The following SLC5A1 variants were observed in gnomAD, a reference collection of about 807,000 sequenced individuals.
The protein encoded by SLC5A1 is solute carrier family 5 member 1.
Under a neutral mutation model 73.5 loss-of-function variants are expected in SLC5A1, and 42 were observed. The ratio of observed to expected loss-of-function variants is 0.57; its 90% CI spans 0.45 to 0.74. The LOEUF (loss-of-function observed/expected upper bound fraction) is 0.74, where lower values mean the gene tolerates loss of function less well. Among genes scored for constraint, SLC5A1 ranks in the 30% least tolerant of loss-of-function variants. The pLI is 0.00. For missense variants in SLC5A1, 634 were observed against 855.4 expected (o/e 0.74, Z 3.23); for synonymous variants, 300 against 317.4 (o/e 0.95, Z 0.58).
intron 1 of SLC5A1, 98 bp from the exon 2 acceptor site, chr22:32,049,845 T>TG: frequency 1.1e-6 from 1 of 908,230 alleles, no homozygotes; most frequent in Non-Finnish European, 1.9e-6. Flanking sequence ...GAAAGTGGAG[T>TG]GGGTAGAAGA....
intron 5 of SLC5A1, among the ~76,000 whole-genome samples, chr22:32,070,621 A>G (rs2093981490): frequency 6.6e-6 from 1 of 152,120 alleles, no homozygotes; most frequent in South Asian, 2.1e-4. Context: ...GGCATGAGCC[A>G]CTGCACCCGG....
At chr22:32,045,878 T>G (rs1451230366) in intron 1 of SLC5A1, among the ~76,000 whole-genome samples, 1 of 152,206 alleles carries the variant, frequency 6.6e-6, no homozygotes, top group Admixed American at 6.5e-5. Context: ...GGGCCAAATC[T>G]GTCTCACAGC....
At chr22:32,104,921 C>G (rs200725596) in intron 14 of SLC5A1, 30 bp downstream of exon 14, 5 of 1,475,494 alleles carry the variant, frequency 3.4e-6, no homozygotes, top group Non-Finnish European at 3.8e-6. Flanking sequence ...AGATCCTAAA[C>G]CATAAAAGTT....
intron 5 of SLC5A1, among the ~76,000 whole-genome samples, chr22:32,073,271 G>T (rs993908781): frequency 2.0e-5 from 3 of 152,148 alleles, no homozygotes; most frequent in African/African-American, 7.2e-5. Flanking sequence ...TGGATATCCA[G>T]TTCTCCCAGT....
At chr22:32,064,896 C>T (rs1290063192) in intron 2 of SLC5A1, among the ~76,000 whole-genome samples, 2 of 152,166 alleles carry the variant, frequency 1.3e-5, no homozygotes, top group Non-Finnish European at 2.9e-5. Flanking sequence ...TAGGTCCTGT[C>T]CCTCTCCTGC....
At chr22:32,100,057 A>G (rs918893770) in intron 12 of SLC5A1, among the ~76,000 whole-genome samples, 3 of 152,192 alleles carry the variant, frequency 2.0e-5, no homozygotes, top group Non-Finnish European at 2.9e-5. Flanking sequence ...TTGGAGAGGG[A>G]AGACATGGCA....
chr22:32,067,190 C>T, intron 3 of SLC5A1, 151 bp downstream of exon 3: 1 of 648,214 alleles, frequency 1.5e-6, no homozygotes, highest in Non-Finnish European at 2.8e-6. Flanking sequence ...CTTCAGGAGC[C>T]TCAGGGCCCT....
intron 5 of SLC5A1, among the ~76,000 whole-genome samples, chr22:32,073,467 A>G (rs564946887): frequency 1.3e-5 from 2 of 151,936 alleles, no homozygotes; most frequent in Admixed American, 1.3e-4. Flanking sequence ...TCTGCCCTCG[A>G]CCCATGCCTT....
chr22:32,105,226 A>G (rs2094043484), intron 14 of SLC5A1, among the ~76,000 whole-genome samples: 1 of 152,092 alleles, frequency 6.6e-6, no homozygotes, highest in Non-Finnish European at 1.5e-5. Context: ...ATCATGGAGA[A>G]TGGGGTGTCC....
chr22:32,101,410 A>C (rs1313010542), intron 12 of SLC5A1, among the ~76,000 whole-genome samples: 1 of 152,214 alleles, frequency 6.6e-6, no homozygotes, highest in African/African-American at 2.4e-5. Context: ...TCTAATATGC[A>C]GACCCAAAAT....
At chr22:32,104,743 G>A (rs1603145247) in intron 13 of SLC5A1, 43 bp from the exon 14 acceptor site, 1 of 1,512,440 alleles carries the variant, frequency 6.6e-7, no homozygotes. Context: ...GTCCCAAGAT[G>A]CTATTTGGAT....
In SLC5A1 at chr22:32,084,581, C is replaced by T; in HGVS notation, c.807C>T (p.Pro269=). The T allele has an allele frequency of 6.2e-7, 1 of 1,614,252 alleles. No homozygotes were observed. Among genetic ancestry groups the T allele is most frequent in the Non-Finnish European group, 8.5e-7 (1 of 1,180,040 alleles). The change falls in exon 8 of 15, where the codon CCC becomes CCT. Residue 269 remains proline, a synonymous_variant. Coordinates refer to ENST00000266088, the MANE Select transcript of SLC5A1 (RefSeq NM_000343.4). ...ACTCCTTCCACATCTTCCGAGATCC[C>T]CTCACGGGAGACCTCCCATGGCCTG... ...RADSFHIFRD[P]LTGDLPWPGF...
chr22:32,056,241 G>A lies in SLC5A1; in HGVS notation c.207+6227G>A, dbSNP rs555058493. Among the ~76,000 whole-genome samples the A allele has an allele frequency of 3.0e-3, 462 of 152,116 alleles. 2 individuals are homozygous for A. Among genetic ancestry groups the A allele is most frequent in the Non-Finnish European group, 4.5e-3 (304 of 68,012 alleles). ...TCGCTATGTTGCGCAGCCTGGTCTC[G>A]AACTCCCGAGCTCAAGCAGTCTTCC... is the stretch of plus-strand genomic sequence containing the variant. On this transcript the variant is annotated intron_variant, in intron 2 of 14. Coordinates refer to ENST00000266088, the MANE Select transcript of SLC5A1 (RefSeq NM_000343.4).
intron 2 of SLC5A1, among the ~76,000 whole-genome samples, chr22:32,061,151 C>T (rs1416743903): frequency 2.0e-5 from 3 of 152,094 alleles, no homozygotes; most frequent in African/African-American, 4.8e-5. Flanking sequence ...CGGCTGGCTG[C>T]GGTGGCTCAT....
chr22:32,102,296 A>AT (rs530224185), intron 13 of SLC5A1, 59 bp downstream of exon 13: 1,208 of 1,331,354 alleles, frequency 9.1e-4, no homozygotes, highest in Non-Finnish European at 1.2e-3. Flanking sequence ...ATGTTCTTTA[A>AT]TTTTTTTTAA....
chr22:32,053,856 A>T (rs969035069), intron 2 of SLC5A1, among the ~76,000 whole-genome samples: 4 of 152,310 alleles, frequency 2.6e-5, no homozygotes, highest in African/African-American at 9.6e-5. Flanking sequence ...TGTCCAAGGG[A>T]TGCCTATCAT....
chr22:32,093,180 G>A (rs1329401752), intron 11 of SLC5A1, among the ~76,000 whole-genome samples: 1 of 152,116 alleles, frequency 6.6e-6, no homozygotes, highest in Non-Finnish European at 1.5e-5. Context: ...TTTTATATCA[G>A]TACCATGCTG....
chr22:32,073,256 G>A (rs556800271), intron 5 of SLC5A1, among the ~76,000 whole-genome samples: 155 of 151,976 alleles, frequency 1.0e-3, no homozygotes, highest in African/African-American at 3.4e-3. Flanking sequence ...TCATTCTTTC[G>A]CATGTGGATA....
rs551152918 is a variant in SLC5A1, at chr22:32,093,298, G to T, written c.1280+1536G>T. On this transcript the variant is annotated intron_variant, in intron 11 of 14. Coordinates refer to ENST00000266088, the MANE Select transcript of SLC5A1 (RefSeq NM_000343.4). ...TTTGGCTATGTGGGCTCTTTTTTTG[G>T]TTCCATATGAATGTGAGTATTGTTT... is the stretch of plus-strand genomic sequence containing the variant. Among the ~76,000 whole-genome samples the T allele has an allele frequency of 6.7e-4, 101 of 149,978 alleles. 2 individuals are homozygous for T. Among genetic ancestry groups the T allele is most frequent in the Admixed American group, 5.7e-3 (87 of 15,134 alleles).
Sources: allele counts gnomAD v4.1 joint callset (sites outside exome capture counted in the v4.1 genomes callset), GRCh38; gene constraint gnomAD v4.1.1; transcripts MANE v1.5; gene names NCBI Gene and HGNC (gene_info 2026-07-23, HGNC 2026-07-21).